Variants in CCHCR1 observed in about 807,000 individuals in gnomAD.
CCHCR1 encodes HCR (a-helix coiled-coil rod homologue).
CCHCR1 carries 91 observed loss-of-function variants against 114.6 expected under a neutral mutation model. The observed-to-expected ratio is 0.79, with a 90% CI of 0.67 to 0.94. The LOEUF is 0.94. Among genes scored for constraint, CCHCR1 ranks in the 40% least tolerant of loss-of-function variants. CCHCR1 has a pLI of 0.00. For synonymous variants in CCHCR1, 379 were observed against 428.5 expected (o/e 0.88, Z 1.43); for missense variants, 899 against 1,079.9 (o/e 0.83, Z 2.35).
Position 31,144,939 on chromosome 6 carries a change from C to T in CCHCR1, c.2011G>A (p.Glu671Lys). 1 of 1,612,506 alleles carries T rather than the reference C, an allele frequency of 6.2e-7. No individual in the cohort carries two copies. The highest frequency in any genetic ancestry group is 8.5e-7 in the Non-Finnish European group (1 of 1,180,010). Residue 671 changes from glutamate to lysine, a missense_variant, in exon 14 of 18, where the codon GAG becomes AAG. Glu to Lys is a moderately conservative substitution (Grantham distance 56, BLOSUM62 1). Transcript: ENST00000396268. The surrounding 1 kb of genome is among the most constrained non-coding windows in gnomAD (Gnocchi z 4.6). ...AGCTCCTGCCGCAGACTGGCAGCCT[C>T]CTCTGTGCTCTCCTGCTGGCCCTGG... ...ARQGQQESTE[E>K]AASLRQELTQ...
At chr6:31,146,678 T>C (rs1386222385) in intron 10 of CCHCR1, among the ~76,000 whole-genome samples, 1 of 152,180 alleles carries the variant, frequency 6.6e-6, no homozygotes, top group Admixed American at 6.5e-5. Context: ...CAGCCCTTAT[T>C]AAAGTCTCCA....
At position 31,154,741 on chromosome 6, in the gene CCHCR1, G is replaced by A; in HGVS notation, c.556C>T (p.Gln186Ter). Residue 186 changes from glutamine to a stop codon, truncating the protein, a stop_gained, in exon 4 of 18, where the codon CAG (glutamine) becomes TAG (stop). Coordinates refer to ENST00000396268, the MANE Select transcript of CCHCR1 (RefSeq NM_001105564.2). LOFTEE classifies it high-confidence loss of function. The surrounding 1 kb of genome is among the most constrained non-coding windows in gnomAD (Gnocchi z 4.1). ...TCCAGCCGCCGCAGCTCTTGCAGCTGCCGAACGATCACCTCAGCCTGCTGG... is the reference window on the plus strand; with the variant it reads ...TCCAGCCGCCGCAGCTCTTGCAGCTACCGAACGATCACCTCAGCCTGCTGG... The part of the protein sequence containing the change: ...LSQQAEVIVR[Q>*]LQELRRLEEE... 6.2e-7 allele frequency: 1 copy of A among 1,607,296 alleles called. No homozygotes were observed. Among genetic ancestry groups the A allele is most frequent in the South Asian group, 1.1e-5 (1 of 91,048 alleles).
At position 31,150,711 on chromosome 6, in the gene CCHCR1, T is replaced by A; in HGVS notation, c.1101+14A>T. On this transcript the variant is annotated intron_variant, in intron 6 of 17. Transcript: ENST00000396268. This position sits in a 1 kb window ranked among gnomAD's most constrained non-coding sequence, Gnocchi z 5.3. ...TCCCTAAGTCTGCACACAGATACAT[T>A]CCTGCACCCTCACCTGCATGGTTTC... 6.2e-7 allele frequency: 1 copy of A among 1,610,792 alleles called. No homozygotes were observed. The highest frequency in any genetic ancestry group is 1.1e-5 in the South Asian group (1 of 90,694).
chr6:31,153,131 G>A (rs1054215854), intron 4 of CCHCR1, among the ~76,000 whole-genome samples: 4 of 151,912 alleles, frequency 2.6e-5, no homozygotes, highest in African/African-American at 9.7e-5. Flanking sequence ...AGGCGCCCAC[G>A]ACTATACCCG....
In CCHCR1 at chr6:31,144,683, T is replaced by G. The variant is rs1189944883; in HGVS notation, c.2167+4A>C. The G allele has an allele frequency of 6.3e-7, 1 of 1,595,788 alleles. No individual in the cohort carries two copies. Among genetic ancestry groups the G allele is most frequent in the African/African-American group, 1.3e-5 (1 of 74,590 alleles). ...AAGGCCCTATCCACCCTGGCAAGGC[T>G]CACCGGCCTTGGCATGCTCCCTCCG... On this transcript the variant is annotated splice_donor_region_variant and intron_variant, in intron 15 of 17. Coordinates refer to ENST00000396268, the MANE Select transcript of CCHCR1 (RefSeq NM_001105564.2). This position sits in a 1 kb window ranked among gnomAD's most constrained non-coding sequence, Gnocchi z 4.6.
Position 31,154,403 on chromosome 6 carries a change from TGGAG to T in CCHCR1, c.801+89_801+92del. On this transcript the variant is annotated intron_variant, in intron 4 of 17. Coordinates refer to ENST00000396268, the MANE Select transcript of CCHCR1 (RefSeq NM_001105564.2). The surrounding 1 kb of genome is among the most constrained non-coding windows in gnomAD (Gnocchi z 4.1). ...TCATCACTCTACTACTCACTACTCA[TGGAG>T]GGTCTTTTCTGCAATACCTGTTCTT... 1.1e-6 allele frequency: 1 copy of T among 938,518 alleles called. No individual in the cohort carries two copies. The highest frequency in any genetic ancestry group is 1.7e-6 in the Non-Finnish European group (1 of 596,342). The allele number at this position is 938,518 out of a possible 1,614,324, so 58.1% of individuals were successfully genotyped here. A position where few individuals can be genotyped will look rare whatever the true frequency, so the allele number is the denominator to read the frequency against.
intron 4 of CCHCR1, among the ~76,000 whole-genome samples, chr6:31,152,269 G>A (rs1447973150): frequency 7.0e-5 from 9 of 128,092 alleles, no homozygotes; most frequent in East Asian, 4.4e-4. Context: ...GCGACAGAGC[G>A]AGACTCCATC....
At chr6:31,142,906 A>G in intron 17 of CCHCR1, 57 bp downstream of exon 17, 1 of 1,563,830 alleles carries the variant, frequency 6.4e-7, no homozygotes, top group Non-Finnish European at 8.7e-7. Context: ...GAGTCTGAAG[A>G]GGAGATTCCT....
At position 31,157,654 on chromosome 6, in the gene CCHCR1, G is replaced by A. The variant is rs1276617625; in HGVS notation, c.-54C>T. On this transcript the variant is annotated 5_prime_UTR_variant, in exon 1 of 18. Coordinates refer to ENST00000396268, the MANE Select transcript of CCHCR1 (RefSeq NM_001105564.2). Reference sequence around the variant, plus strand: ...GGAATCCAGGCCGCCTAGATCCCCAGGCAGAAAAGCCAGCGTCCTGACATC... The same window carrying A: ...GGAATCCAGGCCGCCTAGATCCCCAAGCAGAAAAGCCAGCGTCCTGACATC... 18 of 1,439,796 alleles carry A rather than the reference G, an allele frequency of 1.3e-5. No homozygotes were observed. The highest frequency in any genetic ancestry group is 4.7e-5 in the East Asian group (2 of 42,568). 89.2% of individuals were successfully genotyped at this position (1,439,796 alleles called of 1,614,324 possible). A position where few individuals can be genotyped will look rare whatever the true frequency, so the allele number is the denominator to read the frequency against.
chr6:31,148,607 C>A lies in CCHCR1; in HGVS notation c.1473+11G>T. The A allele has an allele frequency of 6.2e-7, 1 of 1,607,280 alleles. No homozygotes were observed. Among genetic ancestry groups the A allele is most frequent in the Non-Finnish European group, 8.5e-7 (1 of 1,174,700 alleles). Reference sequence around the variant, plus strand: ...TTGCCCTCCCCGAGTCTCTAGTAGGCTGACACCAACCTTGGCACCCATACG... The same window carrying A: ...TTGCCCTCCCCGAGTCTCTAGTAGGATGACACCAACCTTGGCACCCATACG... On this transcript the variant is annotated intron_variant, in intron 9 of 17. Transcript: ENST00000396268.
rs1261436405 is a variant in CCHCR1 at position 31,145,501 on chromosome 6, G to A, written c.1694-8C>T. 7.4e-6 allele frequency: 12 copies of A among 1,613,672 alleles called. No individual in the cohort carries two copies. The highest frequency in any genetic ancestry group is 1.0e-5 in the Non-Finnish European group (12 of 1,179,758). ...GCTTTCGAGCAATCAGGCCTGGAGG[G>A]GAAAAAGCAGGGAGAAAAAGAGATG... is the stretch of plus-strand genomic sequence containing the variant. On this transcript the variant is annotated splice_region_variant and splice_polypyrimidine_tract_variant and intron_variant, in intron 11 of 17. Coordinates refer to ENST00000396268, the MANE Select transcript of CCHCR1 (RefSeq NM_001105564.2).
At position 31,156,816 on chromosome 6, in the gene CCHCR1, T is replaced by C; in HGVS notation, c.412A>G (p.Arg138Gly). ...QPPGHQDVSERRLDTQRPQVT... is the reference protein window; with the variant it reads ...QPPGHQDVSEGRLDTQRPQVT... ...TGAGGTCTCTGGGTGTCTAGCCGCC[T>C]CTCTGAGACATCTTGATGGCCTGGG... Residue 138 changes from arginine to glycine, a missense_variant, in exon 3 of 18, where the codon AGG becomes GGG. Physicochemically the swap from Arg to Gly is moderately radical, Grantham distance 125. Transcript: ENST00000396268. The C allele has an allele frequency of 1.2e-6, 2 of 1,612,884 alleles. No homozygotes were observed. Among genetic ancestry groups the C allele is most frequent in the South Asian group, 2.2e-5 (2 of 91,068 alleles).
rs535378659 is a variant in CCHCR1, at chr6:31,154,575, C to G, written c.722G>C (p.Gly241Ala). 2 of 1,613,044 alleles carry G rather than the reference C, an allele frequency of 1.2e-6. No individual in the cohort carries two copies. The highest frequency in any genetic ancestry group is 2.2e-5 in the East Asian group (1 of 44,886). ...CAAGTTCTTCCGGACAACCTCAGCCCCAGCCAAAGCAGCACGCAGGCCCTC... is the reference window on the plus strand; with the variant it reads ...CAAGTTCTTCCGGACAACCTCAGCCGCAGCCAAAGCAGCACGCAGGCCCTC... ...EAEGLRAALA[G>A]AEVVRKNLEE... Residue 241 changes from glycine to alanine, a missense_variant, in exon 4 of 18, where the codon GGG becomes GCG. Physicochemically the swap from Gly to Ala is moderately conservative, Grantham distance 60 (BLOSUM62 0). Coordinates refer to ENST00000396268, the MANE Select transcript of CCHCR1 (RefSeq NM_001105564.2). This position sits in a 1 kb window ranked among gnomAD's most constrained non-coding sequence, Gnocchi z 4.1.
In CCHCR1 at chr6:31,150,633, G is replaced by A. The variant is rs1581940340; in HGVS notation, c.1102-68C>T. 21 of 1,589,998 alleles carry A rather than the reference G, an allele frequency of 1.3e-5. No individual in the cohort carries two copies. Among genetic ancestry groups the A allele is most frequent in the East Asian group, 6.7e-5 (3 of 44,662 alleles). ...CGCCTTAGGTACCACCTTCTCTCCC[G>A]GAGGCTGTGCTCTACACGCTCCTCC... On this transcript the variant is annotated intron_variant, in intron 6 of 17. Transcript: ENST00000396268. This position sits in a 1 kb window ranked among gnomAD's most constrained non-coding sequence, Gnocchi z 5.3.
chr6:31,149,978 T>C, intron 8 of CCHCR1, 88 bp downstream of exon 8: 1 of 1,394,506 alleles, frequency 7.2e-7, no homozygotes, highest in South Asian at 1.2e-5. Flanking sequence ...TGGCAACCAC[T>C]CAATAAACAC....
intron 10 of CCHCR1, among the ~76,000 whole-genome samples, chr6:31,147,575 G>T (rs544561256): frequency 6.6e-6 from 1 of 152,272 alleles, no homozygotes; most frequent in South Asian, 2.1e-4. Context: ...AGAGACAAAG[G>T]CTGGCAATTG....
chr6:31,144,664 C>T lies in CCHCR1; in HGVS notation c.2167+23G>A. ...AACACTTCCTTCTTCCTGGAAGGCC[C>T]TATCCACCCTGGCAAGGCTCACCGG... On this transcript the variant is annotated intron_variant, in intron 15 of 17. Transcript: ENST00000396268. The surrounding 1 kb of genome is among the most constrained non-coding windows in gnomAD (Gnocchi z 4.6). The T allele has an allele frequency of 6.7e-7, 1 of 1,503,686 alleles. No individual in the cohort carries two copies. The highest frequency in any genetic ancestry group is 1.4e-5 in the African/African-American group (1 of 72,834). The allele number at this position is 1,503,686 out of a possible 1,614,324, so 93.1% of individuals were successfully genotyped here. A position where few individuals can be genotyped will look rare whatever the true frequency, so the allele number is the denominator to read the frequency against.
chr6:31,145,370 C>T, intron 12 of CCHCR1, 68 bp from the exon 13 acceptor site: 2 of 1,612,234 alleles, frequency 1.2e-6, no homozygotes, highest in African/African-American at 1.3e-5. Context: ...CCCCATCCCA[C>T]CTCAGTCCTC....
chr6:31,145,084 G>A lies in CCHCR1; in HGVS notation c.1877-11C>T. ...GCCGCTCTGCCTCCCCTAAAAGGAG[G>A]GGGTGCTGGGTCAGGCCTCTCCCAG... On this transcript the variant is annotated splice_polypyrimidine_tract_variant and intron_variant, in intron 13 of 17. Coordinates refer to ENST00000396268, the MANE Select transcript of CCHCR1 (RefSeq NM_001105564.2). 6.3e-7 allele frequency: 1 copy of A among 1,599,174 alleles called. No individual in the cohort carries two copies. The highest frequency in any genetic ancestry group is 8.5e-7 in the Non-Finnish European group (1 of 1,175,722).
Sources: gnomAD v4.1 joint callset for allele counts (sites outside exome capture counted in the v4.1 genomes callset) on GRCh38, gnomAD v4.1.1 for gene constraint, Gnocchi (gnomAD v3.1) non-coding constraint, MANE v1.5 for transcripts, NCBI Gene and HGNC (gene_info 2026-07-23, HGNC 2026-07-21) for gene names.